Variants in CCDC152 observed in about 807,000 individuals in gnomAD.
CCDC152 encodes coiled-coil domain-containing protein 152.
A neutral mutation model predicts 38.1 loss-of-function variants in CCDC152; 37 were observed. The ratio of observed to expected loss-of-function variants is 0.97; its 90% CI spans 0.75 to 1.28. The LOEUF (loss-of-function observed/expected upper bound fraction) is 1.28, where lower values mean the gene tolerates loss of function less well. CCDC152 is among the 50% of genes most tolerant of loss of function. CCDC152 has a pLI of 0.00. For synonymous variants in CCDC152, 83 were observed against 87.1 expected, an observed-to-expected ratio of 0.95 and a Z score of 0.26; for missense variants, 259 against 292.1, an observed-to-expected ratio of 0.89 and a Z score of 0.83.
At position 42,775,942 on chromosome 5, in the gene CCDC152, T is replaced by C. The variant is rs141453469; in HGVS notation, c.263-3516T>C. On this transcript the variant is annotated intron_variant, in intron 4 of 8. Coordinates refer to ENST00000361970, the MANE Select transcript of CCDC152 (RefSeq NM_001134848.2). ...AAAAAAAAAAAACTAAAATTAGAAG[T>C]ATAATGGATTTGCTAAGAAAGAAGA... Among the ~76,000 whole-genome samples the C allele has an allele frequency of 9.5e-3, 1,370 of 143,548 alleles. 21 individuals carry two copies. Among genetic ancestry groups the C allele is most frequent in the African/African-American group, 0.033 (1,309 of 39,324 alleles). 94.2% of individuals were successfully genotyped at this position (143,548 alleles called of 152,430 possible).
At chr5:42,782,935 C>T (rs1759868255) in intron 5 of CCDC152, among the ~76,000 whole-genome samples, 1 of 151,836 alleles carries the variant, frequency 6.6e-6, no homozygotes, top group African/African-American at 2.4e-5. Flanking sequence ...GGTGCCATCT[C>T]GGCTCACTGC....
intron 1 of CCDC152, among the ~76,000 whole-genome samples, chr5:42,758,646 G>T (rs1274610963): frequency 6.6e-6 from 1 of 152,106 alleles, no homozygotes; most frequent in Non-Finnish European, 1.5e-5. Context: ...TATCCCCAAA[G>T]GTTAATCCCT....
At chr5:42,787,660 A>C (rs1177109277) in intron 6 of CCDC152, among the ~76,000 whole-genome samples, 1 of 139,594 alleles carries the variant, frequency 7.2e-6, no homozygotes, top group Non-Finnish European at 1.6e-5. Context: ...GTAATTATAT[A>C]GTAGTTAGGT....
chr5:42,799,251 T>C (rs1760125439), intron 7 of CCDC152, 124 bp from the exon 8 acceptor site: 1 of 540,346 alleles, frequency 1.9e-6, no homozygotes, highest in South Asian at 3.3e-5. Flanking sequence ...TTTTCTATTG[T>C]CTATACTGTA....
At chr5:42,763,930 A>G (rs1050119137) in intron 3 of CCDC152, among the ~76,000 whole-genome samples, 3 of 152,228 alleles carry the variant, frequency 2.0e-5, no homozygotes, top group African/African-American at 7.2e-5. Context: ...AATCAAAGAA[A>G]GGATTTGTAC....
chr5:42,776,681 G>A (rs1759771571), intron 4 of CCDC152, among the ~76,000 whole-genome samples: 1 of 152,040 alleles, frequency 6.6e-6, no homozygotes, highest in Non-Finnish European at 1.5e-5. Context: ...ACACACCTTA[G>A]CAAATTTGAA....
At chr5:42,764,735 T>C (rs1284045597) in intron 3 of CCDC152, among the ~76,000 whole-genome samples, 1 of 152,148 alleles carries the variant, frequency 6.6e-6, no homozygotes, top group African/African-American at 2.4e-5. Context: ...TCCTTCATGA[T>C]AAAAACCCTC....
chr5:42,789,446 C>T (rs1328146284), intron 6 of CCDC152, among the ~76,000 whole-genome samples: 1 of 152,156 alleles, frequency 6.6e-6, no homozygotes, highest in Non-Finnish European at 1.5e-5. Context: ...AATCCACCTG[C>T]CTTGGCCTCC....
In CCDC152 at chr5:42,775,913, T is replaced by TAAA. The variant is rs34618464; in HGVS notation, c.263-3532_263-3530dup. ...ATATTGCAAATTCTAGGACAATCACTAAAAAAAAAAAAAAACTAAAATTAG... is the reference window on the plus strand; with the variant it reads ...ATATTGCAAATTCTAGGACAATCACTAAAAAAAAAAAAAAAAAACTAAAATTAG... On this transcript the variant is annotated intron_variant, in intron 4 of 8. Coordinates refer to ENST00000361970, the MANE Select transcript of CCDC152 (RefSeq NM_001134848.2). Among the ~76,000 whole-genome samples the TAAA allele has an allele frequency of 8.2e-3, 863 of 105,354 alleles. 1 individual carries two copies. The highest frequency in any genetic ancestry group is 0.012 in the Non-Finnish European group (577 of 49,196). The allele number at this position is 105,354 out of a possible 152,430, so 69.1% of individuals were successfully genotyped here.
intron 3 of CCDC152, among the ~76,000 whole-genome samples, chr5:42,765,156 T>C (rs1355467145): frequency 6.6e-6 from 1 of 152,168 alleles, no homozygotes; most frequent in Non-Finnish European, 1.5e-5. Flanking sequence ...ATTTAAAAAG[T>C]AATCCCATTT....
chr5:42,779,849 C>T (rs1274745539), intron 5 of CCDC152, among the ~76,000 whole-genome samples: 1 of 151,922 alleles, frequency 6.6e-6, no homozygotes, highest in African/African-American at 2.4e-5. Context: ...CTCTAGTAAA[C>T]TCTATTTGTT....
At chr5:42,763,342 G>A (rs1205224655) in intron 3 of CCDC152, among the ~76,000 whole-genome samples, 3 of 152,148 alleles carry the variant, frequency 2.0e-5, no homozygotes, top group East Asian at 1.9e-4. Flanking sequence ...AACAATTGGG[G>A]AAGAAGACAC....
At chr5:42,784,778 A>G (rs1036227458) in intron 6 of CCDC152, among the ~76,000 whole-genome samples, 2 of 152,242 alleles carry the variant, frequency 1.3e-5, no homozygotes, top group Admixed American at 6.5e-5. Context: ...ATTTTTGTGT[A>G]TGGTAAGGGA....
At chr5:42,756,942 T>A (rs1208000703) in intron 1 of CCDC152, 57 bp downstream of exon 1, 1 of 152,730 alleles carries the variant, frequency 6.5e-6, no homozygotes, top group Non-Finnish European at 1.5e-5. Flanking sequence ...TAGAGATTCC[T>A]TTCTTCATAT....
chr5:42,801,283 CCA>C lies in CCDC152; in HGVS notation c.*1505_*1506del. The C allele has an allele frequency of 1.2e-6, 2 of 1,613,590 alleles. No individual in the cohort carries two copies. The highest frequency in any genetic ancestry group is 1.7e-6 in the Non-Finnish European group (2 of 1,179,852). On this transcript the variant is annotated 3_prime_UTR_variant, in exon 9 of 9. Transcript: ENST00000361970. ...GGCGATGGAGTTTCAACTGTTTTAT[CCA>C]CAGTAGCCAAAGATACACGTTTACA...
intron 1 of CCDC152, 149 bp from the exon 2 acceptor site, chr5:42,758,971 T>A: frequency 1.9e-6 from 1 of 521,686 alleles, no homozygotes; most frequent in Non-Finnish European, 3.4e-6. Context: ...TAATATTGGT[T>A]ATAACAAAAA....
chr5:42,788,191 G>A (rs1759948113), intron 6 of CCDC152, among the ~76,000 whole-genome samples: 2 of 147,834 alleles, frequency 1.4e-5, no homozygotes, highest in South Asian at 4.4e-4. Context: ...CTCCTTCCTT[G>A]TTTGGTGGAT....
At chr5:42,762,603 C>A in intron 3 of CCDC152, 55 bp downstream of exon 3, 2 of 911,214 alleles carry the variant, frequency 2.2e-6, no homozygotes, top group South Asian at 2.9e-5. Flanking sequence ...TTTTTCAGTT[C>A]AACAGTGATT....
chr5:42,800,597 G>T lies in CCDC152; in HGVS notation c.*816G>T. The T allele has an allele frequency of 1.6e-6, 2 of 1,215,102 alleles. No homozygotes were observed. Among genetic ancestry groups the T allele is most frequent in the Non-Finnish European group, 2.3e-6 (2 of 884,748 alleles). 75.3% of individuals were successfully genotyped at this position (1,215,102 alleles called of 1,614,324 possible). A position where few individuals can be genotyped will look rare whatever the true frequency, so the allele number is the denominator to read the frequency against. On this transcript the variant is annotated 3_prime_UTR_variant, in exon 9 of 9. Transcript: ENST00000361970. Reference sequence around the variant, plus strand: ...TTAAAATCTGGAAGCCAATTCAGTAGATTTCTCCATGTTTGCACAAATCTA... The same window carrying T: ...TTAAAATCTGGAAGCCAATTCAGTATATTTCTCCATGTTTGCACAAATCTA...
Sources: gnomAD v4.1 joint callset for allele counts (sites outside exome capture counted in the v4.1 genomes callset) on GRCh38, gnomAD v4.1.1 for gene constraint, MANE v1.5 for transcripts, NCBI Gene and HGNC (gene_info 2026-07-23, HGNC 2026-07-21) for gene names.